The following TM9SF4 variants were observed in gnomAD, a reference collection of about 807,000 sequenced individuals.
TM9SF4 encodes the protein dinucleotide oxidase disulfide thiol exchanger 3 superfamily member 4.
In TM9SF4, 26 loss-of-function variants were observed where a neutral mutation model predicts 90.4. The observed-to-expected ratio is 0.29, with a 90% CI of 0.21 to 0.40. The LOEUF is 0.40. Ranked by LOEUF, TM9SF4 falls within the 10% of genes least tolerant of loss-of-function variation. TM9SF4 has a pLI of 1.00. For synonymous variants in TM9SF4, 293 were observed against 315.4 expected (o/e 0.93, Z 0.75); for missense variants, 549 against 834.8 (o/e 0.66, Z 4.22).
chr20:32,124,348 G>T (rs2046387368), intron 1 of TM9SF4, among the ~76,000 whole-genome samples: 1 of 152,182 alleles, frequency 6.6e-6, no homozygotes, highest in Non-Finnish European at 1.5e-5. Flanking sequence ...GATGGTCAAA[G>T]GAGAAAAATA....
At chr20:32,131,931 G>A (rs2046521152) in intron 1 of TM9SF4, among the ~76,000 whole-genome samples, 1 of 152,120 alleles carries the variant, frequency 6.6e-6, no homozygotes, top group African/African-American at 2.4e-5. Context: ...AAGGGTAGGG[G>A]GACATGCAAT....
intron 8 of TM9SF4, 139 bp downstream of exon 8, chr20:32,145,562 C>T: frequency 1.4e-6 from 1 of 705,716 alleles, no homozygotes; most frequent in Non-Finnish European, 2.4e-6. Flanking sequence ...CTCTGCTAAG[C>T]ATCAGGTGTA....
rs769807330 is a variant in TM9SF4 at position 32,118,887 on chromosome 20, A to G, written c.15+9132A>G. ...CAAGCGATCCACCTGCCTCGGCCTT[A>G]CAAAGTGCTGGGATTATAGTCCTGA... On this transcript the variant is annotated intron_variant, in intron 1 of 17. Coordinates refer to ENST00000398022, the MANE Select transcript of TM9SF4 (RefSeq NM_014742.4). Among the ~76,000 whole-genome samples the G allele has an allele frequency of 5.5e-4, 84 of 152,118 alleles. No individual in the cohort carries two copies. In the Middle Eastern group the frequency reaches 0.01, roughly 18 times the overall value.
rs895244075 is a variant in TM9SF4 at position 32,128,826 on chromosome 20, G to A, written c.16-4187G>A. 1.7e-4 allele frequency among the ~76,000 whole-genome samples: 23 copies of A among 137,822 alleles called. No homozygotes were observed. In the South Asian group the frequency reaches 4.2e-3, roughly 25 times the overall value. 90.4% of individuals were successfully genotyped at this position (137,822 alleles called of 152,430 possible). A position where few individuals can be genotyped will look rare whatever the true frequency, so the allele number is the denominator to read the frequency against. ...TGTGTGTGTGTGTGTGTGTGTGTGT[G>A]TATACATTTATACAGTGTCCCAAGT... On this transcript the variant is annotated intron_variant, in intron 1 of 17. Coordinates refer to ENST00000398022, the MANE Select transcript of TM9SF4 (RefSeq NM_014742.4).
chr20:32,147,049 C>T (rs1348172058), intron 9 of TM9SF4, among the ~76,000 whole-genome samples, 194 bp downstream of exon 9: 2 of 147,888 alleles, frequency 1.4e-5, no homozygotes, highest in East Asian at 2.0e-4. Flanking sequence ...GGTGTGATCT[C>T]GGCTCATTGC....
At position 32,166,876 on chromosome 20, in the gene TM9SF4, C is replaced by G. The variant is rs573299106; in HGVS notation, c.*1432C>G. 1 of 152,118 alleles carries G rather than the reference C, an allele frequency of 6.6e-6. No individual in the cohort carries two copies. Among genetic ancestry groups the G allele is most frequent in the African/African-American group, 2.4e-5 (1 of 41,410 alleles). The allele number at this position is 152,118 out of a possible 1,614,324, so 9.4% of individuals were successfully genotyped here. A position where few individuals can be genotyped will look rare whatever the true frequency, so the allele number is the denominator to read the frequency against. On this transcript the variant is annotated 3_prime_UTR_variant, in exon 18 of 18. Coordinates refer to ENST00000398022, the MANE Select transcript of TM9SF4 (RefSeq NM_014742.4). ...GACAAAGCTCAGGATGCTGGTGATGCTAGGAAGATGTCCCTCCCCTCACTG... is the reference window on the plus strand; with the variant it reads ...GACAAAGCTCAGGATGCTGGTGATGGTAGGAAGATGTCCCTCCCCTCACTG...
chr20:32,116,569 GTC>G (rs1179218853), intron 1 of TM9SF4: 5 of 152,198 alleles, frequency 3.3e-5, no homozygotes, highest in Non-Finnish European at 5.9e-5. Context: ...TCTTTCATGT[GTC>G]TCTGTTCAAC....
intron 1 of TM9SF4, among the ~76,000 whole-genome samples, chr20:32,121,221 T>TA (rs1261665980): frequency 2.0e-5 from 3 of 150,296 alleles, no homozygotes; most frequent in East Asian, 2.0e-4. Flanking sequence ...TTTTTTTTTT[T>TA]ATTGATCATT....
In TM9SF4 at chr20:32,157,797, C is replaced by T. The variant is rs961293087; in HGVS notation, c.1333C>T (p.Pro445Ser). Residue 445 changes from proline (P) to serine (S), a missense_variant, in exon 14 of 18, where the codon CCC becomes TCC. Physicochemically the swap from Pro to Ser is moderately conservative, Grantham distance 74 (BLOSUM62 -1). This residue lies in a region of TM9SF4 where 495 missense variants were observed against 711.7 expected (regional missense o/e 0.70). Coordinates refer to ENST00000398022, the MANE Select transcript of TM9SF4 (RefSeq NM_014742.4). ...IWGKHSSGAV[P>S]FPTMVALLCM... ...CCTCATGGTGCCATGTCTACAGGTGCCCTTTCCCACCATGGTGGCTCTGCT... is the reference window on the plus strand; with the variant it reads ...CCTCATGGTGCCATGTCTACAGGTGTCCTTTCCCACCATGGTGGCTCTGCT... 6.2e-7 allele frequency: 1 copy of T among 1,614,050 alleles called. No individual in the cohort carries two copies. Among genetic ancestry groups the T allele is most frequent in the Non-Finnish European group, 8.5e-7 (1 of 1,179,936 alleles).
At chr20:32,127,655 T>G (rs1053072954) in intron 1 of TM9SF4, among the ~76,000 whole-genome samples, 9 of 152,214 alleles carry the variant, frequency 5.9e-5, no homozygotes, top group Non-Finnish European at 1.2e-4. Context: ...TTTTTATGTG[T>G]ATACTTGCTC....
rs764171389 is a variant in TM9SF4, at chr20:32,141,628, G to A, written c.361G>A (p.Val121Met). 2.8e-5 allele frequency: 46 copies of A among 1,614,040 alleles called. No individual in the cohort carries two copies. Among genetic ancestry groups the A allele is most frequent in the South Asian group, 8.8e-5 (8 of 91,084 alleles). ...VTLTVEQSRLVAERITEDYYV... is the reference protein window; with the variant it reads ...VTLTVEQSRLMAERITEDYYV... Reference sequence around the variant, plus strand: ...CCTGACAGTGGAGCAGAGCCGACTCGTGGCCGAGCGGATCACAGAAGACTA... The same window carrying A: ...CCTGACAGTGGAGCAGAGCCGACTCATGGCCGAGCGGATCACAGAAGACTA... Residue 121 changes from valine (V) to methionine (M), a missense_variant, in exon 4 of 18, where the codon GTG becomes ATG. This residue lies in a region of TM9SF4 where 495 missense variants were observed against 711.7 expected (regional missense o/e 0.70). Coordinates refer to ENST00000398022, the MANE Select transcript of TM9SF4 (RefSeq NM_014742.4).
intron 12 of TM9SF4, 139 bp from the exon 13 acceptor site, chr20:32,154,964 A>G (rs914069977): frequency 5.8e-6 from 4 of 691,498 alleles, no homozygotes; most frequent in Admixed American, 2.2e-5. Flanking sequence ...GGGTCAGGGA[A>G]TACTTTCTGG....
At chr20:32,139,866 C>A (rs554689585) in intron 3 of TM9SF4, among the ~76,000 whole-genome samples, 1 of 152,360 alleles carries the variant, frequency 6.6e-6, no homozygotes, top group East Asian at 1.9e-4. Context: ...GGAATATTCT[C>A]CTATTTCTTT....
intron 3 of TM9SF4, 117 bp from the exon 4 acceptor site, chr20:32,141,380 A>G (rs1311000795): frequency 7.3e-6 from 9 of 1,237,476 alleles, no homozygotes; most frequent in African/African-American, 3.0e-5. Flanking sequence ...AGGCTGAGGC[A>G]CTGCTGAAGT....
At position 32,159,986 on chromosome 20, in the gene TM9SF4, C is replaced by T. The variant is rs2046990725; in HGVS notation, c.1570-6C>T. On this transcript the variant is annotated splice_region_variant and splice_polypyrimidine_tract_variant and intron_variant, in intron 15 of 17. Coordinates refer to ENST00000398022, the MANE Select transcript of TM9SF4 (RefSeq NM_014742.4). ...AGCCAGCTGAAGCCCCACTGTGTGT[C>T]CACAGGCTATCTGGGAGAATCAGTT... is the stretch of plus-strand genomic sequence containing the variant. The T allele has an allele frequency of 5.6e-6, 9 of 1,614,066 alleles. No homozygotes were observed. Among genetic ancestry groups the T allele is most frequent in the Non-Finnish European group, 5.1e-6 (6 of 1,180,028 alleles).
At position 32,109,763 on chromosome 20, in the gene TM9SF4, A is replaced by G; in HGVS notation, c.15+8A>G. ...AAGATGGCGACGGCGATGGTGAGTG[A>G]AGGAGACTCCGGGAGCGGGAGCTGG... On this transcript the variant is annotated splice_region_variant and intron_variant, in intron 1 of 17. Transcript: ENST00000398022. 7.1e-6 allele frequency: 11 copies of G among 1,551,584 alleles called. No individual in the cohort carries two copies. The highest frequency in any genetic ancestry group is 9.6e-6 in the Non-Finnish European group (11 of 1,146,952).
chr20:32,122,334 T>C (rs1344233456), intron 1 of TM9SF4, among the ~76,000 whole-genome samples: 1 of 139,468 alleles, frequency 7.2e-6, no homozygotes. Flanking sequence ...CCGGACGGGG[T>C]GGCTGCCGGG....
chr20:32,143,305 G>T (rs1370419492), intron 6 of TM9SF4, among the ~76,000 whole-genome samples, 200 bp downstream of exon 6: 1 of 152,202 alleles, frequency 6.6e-6, no homozygotes, highest in Non-Finnish European at 1.5e-5. Context: ...TCACGGGCTA[G>T]ACACCTTACT....
At chr20:32,154,694 C>T (rs1311724188) in intron 12 of TM9SF4, among the ~76,000 whole-genome samples, 1 of 152,120 alleles carries the variant, frequency 6.6e-6, no homozygotes, top group East Asian at 1.9e-4. Context: ...CTCAGGTGAT[C>T]CACCTACCTC....
Sources: gnomAD v4.1 joint callset for allele counts (sites outside exome capture counted in the v4.1 genomes callset) on GRCh38, gnomAD v4.1.1 for gene constraint, gnomAD v4.1.1 regional missense constraint, MANE v1.5 for transcripts, NCBI Gene and HGNC (gene_info 2026-07-23, HGNC 2026-07-21) for gene names.